The following ACTR3C variants were observed in gnomAD, a reference collection of about 807,000 sequenced individuals.
ACTR3C encodes the protein actin related protein 3C.
ACTR3C carries 18 observed loss-of-function variants against 26.3 expected under a neutral mutation model. The ratio of observed to expected loss-of-function variants is 0.68; its 90% CI spans 0.47 to 1.01. The LOEUF (loss-of-function observed/expected upper bound fraction) is 1.01, where lower values mean the gene tolerates loss of function less well. Ranked by LOEUF, ACTR3C falls within the 50% of genes least tolerant of loss-of-function variation. The probability of loss-of-function intolerance (pLI) is 0.00; values close to 1 mark genes in which losing one functional copy is unlikely to be tolerated. For missense variants in ACTR3C, 184 were observed against 250.7 expected (o/e 0.73, Z 1.80); for synonymous variants, 55 against 94.5 (o/e 0.58, Z 2.42).
chr7:150,006,328 CT>C, the ACTR3C span, among the ~76,000 whole-genome samples: 1 of 151,618 alleles, frequency 6.6e-6, no homozygotes, highest in Non-Finnish European at 1.5e-5. Flanking sequence ...TCCCGAGTAG[CT>C]GGGACTACAG....
the ACTR3C span, among the ~76,000 whole-genome samples, chr7:150,050,733 C>T: frequency 6.6e-6 from 1 of 151,996 alleles, no homozygotes; most frequent in African/African-American, 2.4e-5. Context: ...CCAGATGGAG[C>T]GCCCTTTACC....
the ACTR3C span, among the ~76,000 whole-genome samples, chr7:149,940,233 TA>T: frequency 6.6e-6 from 1 of 152,078 alleles, no homozygotes; most frequent in African/African-American, 2.4e-5. Context: ...TGTTAAGAGG[TA>T]TTGATCAGGA....
At chr7:149,944,144 G>A in the ACTR3C span, among the ~76,000 whole-genome samples, 2 of 150,616 alleles carry the variant, frequency 1.3e-5, no homozygotes, top group Admixed American at 6.6e-5. Flanking sequence ...AAATGCTGTA[G>A]CTACAGAGTC....
At chr7:149,921,955 GCTTGTTATGTTTCCTTC>G in the ACTR3C span, among the ~76,000 whole-genome samples, 6 of 151,486 alleles carry the variant, frequency 4.0e-5, no homozygotes, top group African/African-American at 1.5e-4. Flanking sequence ...ATCTATTTTT[GCTTGTTATGTTTCCTTC>G]CTTATTTTCT....
the ACTR3C span, among the ~76,000 whole-genome samples, chr7:149,934,802 C>T: frequency 2.9e-5 from 4 of 139,900 alleles, no homozygotes; most frequent in East Asian, 8.3e-4. Flanking sequence ...CGAGATGAAC[C>T]CAAGTGCATT....
At chr7:150,161,818 C>G in the ACTR3C span, among the ~76,000 whole-genome samples, 77 of 152,184 alleles carry the variant, frequency 5.1e-4, no homozygotes, top group African/African-American at 1.7e-3. Context: ...GGATTACCTT[C>G]CTTGGGACGT....
At chr7:150,291,990 G>A (rs1190336593) in intron 3 of ACTR3C, among the ~76,000 whole-genome samples, 2 of 151,196 alleles carry the variant, frequency 1.3e-5, no homozygotes, top group East Asian at 3.9e-4. Context: ...TAGGCCCATC[G>A]ACCATTAAGC....
chr7:150,297,669 T>A (rs150531511), intron 1 of ACTR3C, among the ~76,000 whole-genome samples: 2,552 of 152,160 alleles, frequency 0.017, 51 homozygotes, highest in African/African-American at 0.058. Context: ...CTGGCCAACA[T>A]GGGGAAACCC....
chr7:150,037,081 T>C, the ACTR3C span, among the ~76,000 whole-genome samples: 8 of 80,150 alleles, frequency 1.0e-4, no homozygotes, highest in African/African-American at 2.1e-4. Flanking sequence ...TGCCTCCCCC[T>C]CGTGCGATGG....
chr7:149,930,897 A>G, the ACTR3C span, among the ~76,000 whole-genome samples: 37 of 151,936 alleles, frequency 2.4e-4, no homozygotes, highest in African/African-American at 8.4e-4. Context: ...ATGGAATCTC[A>G]CTCTGTCGCT....
chr7:149,975,880 G>C, the ACTR3C span, among the ~76,000 whole-genome samples: 2 of 152,280 alleles, frequency 1.3e-5, no homozygotes, highest in Admixed American at 1.3e-4. Context: ...GTCTCCACCT[G>C]GTCCTGCCCT....
intron 6 of ACTR3C, among the ~76,000 whole-genome samples, chr7:150,254,332 T>C (rs966107126): frequency 6.6e-6 from 1 of 152,268 alleles, no homozygotes; most frequent in Non-Finnish European, 1.5e-5. Context: ...GAATCAAGTA[T>C]AAATTGCTTA....
intron 6 of ACTR3C, among the ~76,000 whole-genome samples, chr7:150,257,497 T>C (rs2129609758): frequency 6.6e-6 from 1 of 152,300 alleles, no homozygotes; most frequent in South Asian, 2.1e-4. Flanking sequence ...AATGCTAATA[T>C]AGCCCAGTTT....
At chr7:150,047,946 A>T in the ACTR3C span, 5 of 1,225,386 alleles carry the variant, frequency 4.1e-6, no homozygotes, top group South Asian at 6.3e-5. Flanking sequence ...CAGATTAAAA[A>T]AAAGGCGGTG....
the ACTR3C span, among the ~76,000 whole-genome samples, chr7:150,140,820 G>A: frequency 6.6e-6 from 1 of 152,252 alleles, no homozygotes. Flanking sequence ...GTTGAAAGCT[G>A]AGATAGGCTG....
At chr7:149,928,202 CTT>C in the ACTR3C span, among the ~76,000 whole-genome samples, 14 of 137,962 alleles carry the variant, frequency 1.0e-4, no homozygotes, top group African/African-American at 1.1e-4. Context: ...TTTTTCTTTT[CTT>C]TTTTTTTTTT....
the ACTR3C span, among the ~76,000 whole-genome samples, chr7:150,070,749 C>T: frequency 2.0e-5 from 3 of 151,828 alleles, no homozygotes; most frequent in Non-Finnish European, 4.4e-5. Context: ...CGGTGCCTGG[C>T]CTAAAATTGC....
chr7:150,183,413 T>C, the ACTR3C span, among the ~76,000 whole-genome samples: 1 of 149,908 alleles, frequency 6.7e-6, no homozygotes, highest in Non-Finnish European at 1.5e-5. Flanking sequence ...GGGGCTCTTA[T>C]AACAATGTTG....
chr7:150,315,956 G>A (rs547921071), intron 1 of ACTR3C, among the ~76,000 whole-genome samples: 7 of 152,154 alleles, frequency 4.6e-5, no homozygotes, highest in South Asian at 2.1e-4. Context: ...CCAGCACTTC[G>A]GGAGGCCGAG....
Sources: gnomAD v4.1 joint callset for allele counts (sites outside exome capture counted in the v4.1 genomes callset) on GRCh38, gnomAD v4.1.1 for gene constraint, MANE v1.5 for transcripts, NCBI Gene and HGNC (gene_info 2026-07-23, HGNC 2026-07-21) for gene names.